CAMTA1: variants seen among roughly 807,000 people sequenced by gnomAD.
CAMTA1 encodes calmodulin-binding transcription activator 1.
A neutral mutation model predicts 170.9 loss-of-function variants in CAMTA1; 27 were observed. The observed-to-expected ratio is 0.16, with a 90% CI of 0.12 to 0.22. The LOEUF is 0.22. Ranked by LOEUF, CAMTA1 falls within the 10% of genes least tolerant of loss-of-function variation. The pLI is 1.00. For synonymous variants in CAMTA1, 833 were observed against 891.5 expected (o/e 0.93, Z 1.17); for missense variants, 1,619 against 2,217.2 (o/e 0.73, Z 5.42).
At chr1:6,976,471 C>A (rs562684051) in intron 3 of CAMTA1, among the ~76,000 whole-genome samples, 1 of 152,220 alleles carries the variant, frequency 6.6e-6, no homozygotes, top group South Asian at 2.1e-4. Flanking sequence ...CTGGACTGTG[C>A]AAGGGGGACG....
intron 3 of CAMTA1, among the ~76,000 whole-genome samples, chr1:7,083,687 A>G (rs1396327367): frequency 6.6e-6 from 1 of 152,130 alleles, no homozygotes; most frequent in African/African-American, 2.4e-5. Context: ...AAGGCCAATT[A>G]TTTTTTGTCA....
chr1:7,270,274 C>CATAT (rs1553296722), intron 5 of CAMTA1, among the ~76,000 whole-genome samples: 41 of 29,718 alleles, frequency 1.4e-3, no homozygotes, highest in African/African-American at 3.6e-3. Context: ...CACACACACA[C>CATAT]ATATATATAT....
rs1646205251 is a variant in CAMTA1 at position 7,146,692 on chromosome 1, G to A, written c.302+55321G>A. On this transcript the variant is annotated intron_variant, in intron 4 of 22. Transcript: ENST00000303635. The surrounding 1 kb of genome is among the most constrained non-coding windows in gnomAD (Gnocchi z 4.3). ...TAGGGGTTGATGTGGGCAGTCAGAGGGGGTAGGGAGAGAAGGGTTTGGCGT... is the reference window on the plus strand; with the variant it reads ...TAGGGGTTGATGTGGGCAGTCAGAGAGGGTAGGGAGAGAAGGGTTTGGCGT... 6.6e-6 allele frequency among the ~76,000 whole-genome samples: 1 copy of A among 152,032 alleles called. No homozygotes were observed. The highest frequency in any genetic ancestry group is 2.4e-5 in the African/African-American group (1 of 41,378).
intron 3 of CAMTA1, among the ~76,000 whole-genome samples, chr1:6,960,499 C>T (rs546194543): frequency 6.6e-6 from 1 of 152,178 alleles, no homozygotes; most frequent in Non-Finnish European, 1.5e-5. Flanking sequence ...AGATTTAGTT[C>T]TGTGGAGAGC....
chr1:7,230,119 C>G (rs190149790), intron 4 of CAMTA1, among the ~76,000 whole-genome samples: 4 of 152,108 alleles, frequency 2.6e-5, no homozygotes, highest in East Asian at 3.9e-4. Flanking sequence ...TGTCCCCCCC[C>G]ACCACATCTG....
chr1:7,228,829 C>G (rs1662172201), intron 4 of CAMTA1, among the ~76,000 whole-genome samples: 2 of 152,096 alleles, frequency 1.3e-5, no homozygotes, highest in South Asian at 4.1e-4. Flanking sequence ...CCACAGCTGC[C>G]TTGGGGCACT....
At chr1:7,182,504 A>C (rs569300141) in intron 4 of CAMTA1, among the ~76,000 whole-genome samples, 32 of 144,180 alleles carry the variant, frequency 2.2e-4, no homozygotes, top group African/African-American at 7.8e-4. Context: ...CAGAAAAAAA[A>C]AAAAAAAAAC....
At chr1:7,510,681 T>C (rs1007235168) in intron 6 of CAMTA1, among the ~76,000 whole-genome samples, 1 of 146,328 alleles carries the variant, frequency 6.8e-6, no homozygotes. Context: ...GTGTGGTTTA[T>C]ACAAGCAGCC....
At chr1:7,493,517 G>T (rs149071182) in intron 6 of CAMTA1, among the ~76,000 whole-genome samples, 1 of 152,098 alleles carries the variant, frequency 6.6e-6, no homozygotes, top group Admixed American at 6.5e-5. Flanking sequence ...ACACACACGC[G>T]CAGGGGCACA....
intron 1 of CAMTA1, among the ~76,000 whole-genome samples, chr1:6,814,528 G>T (rs527283363): frequency 1.7e-4 from 26 of 152,290 alleles, no homozygotes; most frequent in African/African-American, 6.0e-4. Flanking sequence ...AGGCAGCAGA[G>T]CCACTGCTGT....
chr1:6,976,024 G>A (rs1355313550), intron 3 of CAMTA1, among the ~76,000 whole-genome samples: 4 of 152,204 alleles, frequency 2.6e-5, no homozygotes, highest in Non-Finnish European at 5.9e-5. Flanking sequence ...GATGTGGACA[G>A]AGACCAGAGC....
intron 4 of CAMTA1, among the ~76,000 whole-genome samples, chr1:7,106,837 C>G (rs1042275620): frequency 3.9e-5 from 6 of 151,994 alleles, no homozygotes. Flanking sequence ...TTCCAACAAG[C>G]AGATGGCTTA....
intron 11 of CAMTA1, 82 bp downstream of exon 11, chr1:7,677,815 A>T (rs905608965): frequency 2.0e-6 from 3 of 1,494,618 alleles, no homozygotes; most frequent in Non-Finnish European, 2.7e-6. Context: ...GTGAAAGAAG[A>T]GTAAGCACCC....
At position 7,137,261 on chromosome 1, in the gene CAMTA1, T is replaced by C. The variant is rs555767191; in HGVS notation, c.302+45890T>C. The stretch of plus-strand genomic sequence containing the variant: ...AACCTTCACTGCTTTCACTAGAGTC[T>C]ATCCCACCCTCACCTTTCTCCTGAA... On this transcript the variant is annotated intron_variant, in intron 4 of 22. Transcript: ENST00000303635. Among the ~76,000 whole-genome samples, 231 of 152,346 alleles carry C rather than the reference T, an allele frequency of 1.5e-3. 1 individual carries two copies. The highest frequency in any genetic ancestry group is 5.2e-3 in the African/African-American group (215 of 41,586).
chr1:7,544,969 C>G (rs1342341426), intron 6 of CAMTA1, among the ~76,000 whole-genome samples: 1 of 152,206 alleles, frequency 6.6e-6, no homozygotes, highest in Non-Finnish European at 1.5e-5. Flanking sequence ...ACATCTCCCA[C>G]ATGGCCCCAC....
At chr1:6,890,691 T>G (rs1543954) in intron 3 of CAMTA1, among the ~76,000 whole-genome samples, 2 of 151,814 alleles carry the variant, frequency 1.3e-5, no homozygotes, top group African/African-American at 2.4e-5. Context: ...CTGCCTTAGC[T>G]TCCTGAGTAG....
chr1:6,878,767 A>T (rs1350522234), intron 3 of CAMTA1, among the ~76,000 whole-genome samples: 2 of 152,208 alleles, frequency 1.3e-5, no homozygotes, highest in Non-Finnish European at 2.9e-5. Context: ...ATGGCAGTTC[A>T]CCATGACCGC....
At chr1:7,087,843 C>A (rs57974542) in intron 3 of CAMTA1, among the ~76,000 whole-genome samples, 1 of 152,246 alleles carries the variant, frequency 6.6e-6, no homozygotes, top group Non-Finnish European at 1.5e-5. Context: ...CTTCTCCCCA[C>A]AATCACTCTG....
intron 5 of CAMTA1, among the ~76,000 whole-genome samples, chr1:7,433,056 C>T (rs757048577): frequency 7.7e-4 from 117 of 152,362 alleles, no homozygotes; most frequent in Non-Finnish European, 4.0e-4. Flanking sequence ...CCGGGTATGC[C>T]GGCCCCCAGT....
Sources: gnomAD v4.1 joint callset for allele counts (sites outside exome capture counted in the v4.1 genomes callset) on GRCh38, gnomAD v4.1.1 for gene constraint, Gnocchi (gnomAD v3.1) non-coding constraint, MANE v1.5 for transcripts, NCBI Gene and HGNC (gene_info 2026-07-23, HGNC 2026-07-21) for gene names.